Variants in MMP3 observed in about 807,000 individuals in gnomAD.
The protein encoded by MMP3 is stromelysin-1.
Under a neutral mutation model 47.3 loss-of-function variants are expected in MMP3, and 46 were observed. The observed-to-expected ratio is 0.97, with a 90% CI of 0.77 to 1.24. The LOEUF is 1.24. Ranked by LOEUF, MMP3 falls within the 50% of genes most tolerant of loss-of-function variation. The probability of loss-of-function intolerance (pLI) is 0.00; values close to 1 mark genes in which losing one functional copy is unlikely to be tolerated. For missense variants in MMP3, 558 were observed against 565.5 expected (o/e 0.99, Z 0.13); for synonymous variants, 216 against 206.5 (o/e 1.05, Z -0.39).
In MMP3 at chr11:102,840,144, C is replaced by G. The variant is rs782380049; in HGVS notation, c.899G>C (p.Ser300Thr). The change falls in exon 6 of 10, where the codon AGC (serine) becomes ACC (threonine). Residue 300 changes from serine (S) to threonine (T), a missense_variant. Ser to Thr is a moderately conservative substitution (Grantham distance 58, BLOSUM62 1). Transcript: ENST00000299855. ...GATCAGGATTTCTCCCCTCAGAGTGCTGACAGCATCAAAGGACAAAGCAGG... is the reference window on the plus strand; with the variant it reads ...GATCAGGATTTCTCCCCTCAGAGTGGTGACAGCATCAAAGGACAAAGCAGG... The part of the protein sequence containing the change: ...CDPALSFDAV[S>T]TLRGEILIFK... 6.2e-7 allele frequency: 1 copy of G among 1,614,056 alleles called. No homozygotes were observed. Among genetic ancestry groups the G allele is most frequent in the South Asian group, 1.1e-5 (1 of 91,072 alleles).
In MMP3 at chr11:102,836,984, T is replaced by C. The variant is rs927059074; in HGVS notation, c.1333+314A>G. ...GCCACACCACTTGATGGGATTTTTATGCTAACATGGTAATCTGAAAGTCGA... is the reference window on the plus strand; with the variant it reads ...GCCACACCACTTGATGGGATTTTTACGCTAACATGGTAATCTGAAAGTCGA... On this transcript the variant is annotated intron_variant, in intron 9 of 9. Coordinates refer to ENST00000299855, the MANE Select transcript of MMP3 (RefSeq NM_002422.5). The surrounding 1 kb of genome is among the most constrained non-coding windows in gnomAD (Gnocchi z 4.6). Among the ~76,000 whole-genome samples the C allele has an allele frequency of 6.6e-6, 1 of 152,190 alleles. No individual in the cohort carries two copies. Among genetic ancestry groups the C allele is most frequent in the Admixed American group, 6.5e-5 (1 of 15,276 alleles).
rs41357345 is a variant in MMP3 at position 102,840,477 on chromosome 11, G to T, written c.742C>A (p.Arg248=). 2 of 1,614,086 alleles carry T rather than the reference G, an allele frequency of 1.2e-6. No homozygotes were observed. Among genetic ancestry groups the T allele is most frequent in the Non-Finnish European group, 1.7e-6 (2 of 1,180,000 alleles). ...PLYHSLTDLT[R]FRLSQDDING... is the part of the protein sequence containing the mutation. Reference sequence around the variant, plus strand: ...ATATCATCTTGAGACAGGCGGAACCGAGTCAGGTCTGTGAGTGAGTGATAG... The same window carrying T: ...ATATCATCTTGAGACAGGCGGAACCTAGTCAGGTCTGTGAGTGAGTGATAG... Residue 248 remains arginine (R), a synonymous_variant, in exon 5 of 10, where the codon CGG becomes AGG. Coordinates refer to ENST00000299855, the MANE Select transcript of MMP3 (RefSeq NM_002422.5).
chr11:102,836,507 C>T lies in MMP3; in HGVS notation c.1334-281G>A. ...GTTACTCAGCAAGGAAGAATGGAGA[C>T]AGCACTCGGTGCCAGCTCTGTCTGA... is the stretch of plus-strand genomic sequence containing the variant. On this transcript the variant is annotated intron_variant, in intron 9 of 9. Transcript: ENST00000299855. This position sits in a 1 kb window ranked among gnomAD's most constrained non-coding sequence, Gnocchi z 4.6. 1.9e-6 allele frequency: 1 copy of T among 535,550 alleles called. No homozygotes were observed. 33.2% of individuals were successfully genotyped at this position (535,550 alleles called of 1,614,324 possible). A position where few individuals can be genotyped will look rare whatever the true frequency, so the allele number is the denominator to read the frequency against.
In MMP3 at chr11:102,842,543, A is replaced by G; in HGVS notation, c.387T>C (p.Ala129=). The G allele has an allele frequency of 6.2e-7, 1 of 1,613,152 alleles. No individual in the cohort carries two copies. Among genetic ancestry groups the G allele is most frequent in the South Asian group, 1.1e-5 (1 of 91,044 alleles). ...VNYTPDLPKD[A]VDSAVEKALK... ...GAGCTTTCTCAACAGCAGAATCAACAGCATCTTTTGGCAAATCTGGTGTAT... is the reference window on the plus strand; with the variant it reads ...GAGCTTTCTCAACAGCAGAATCAACGGCATCTTTTGGCAAATCTGGTGTAT... Residue 129 remains alanine, a synonymous_variant, in exon 3 of 10, where the codon GCT becomes GCC. Transcript: ENST00000299855.
chr11:102,837,317 A>C lies in MMP3; in HGVS notation c.1314T>G (p.Asp438Glu), dbSNP rs1274239489. 2 of 1,613,822 alleles carry C rather than the reference A, an allele frequency of 1.2e-6. No homozygotes were observed. The highest frequency in any genetic ancestry group is 4.5e-5 in the East Asian group (2 of 44,858). ...TCTTACCAAATTCTTCAAAAACAGC[A>C]TCAATCTTTGAGTCAATCCCTGGAA... The part of the protein sequence containing the change: ...EDFPGIDSKI[D>E]AVFEEFGFFY... The change falls in exon 9 of 10, where the codon GAT (aspartate) becomes GAG (glutamate). Residue 438 changes from aspartate (D) to glutamate (E), a missense_variant. Physicochemically the swap from Asp to Glu is conservative, Grantham distance 45 (BLOSUM62 2). Transcript: ENST00000299855. This position sits in a 1 kb window ranked among gnomAD's most constrained non-coding sequence, Gnocchi z 4.4.
intron 4 of MMP3, 45 bp downstream of exon 4, chr11:102,842,109 T>TA (rs782020111): frequency 1.3e-6 from 2 of 1,481,960 alleles, no homozygotes; most frequent in East Asian, 2.3e-5. Flanking sequence ...TTTCTACATA[T>TA]AAAAAAATTA....
At position 102,836,482 on chromosome 11, in the gene MMP3, G is replaced by T. The variant is rs1037168216; in HGVS notation, c.1334-256C>A. On this transcript the variant is annotated intron_variant, in intron 9 of 9. Transcript: ENST00000299855. The surrounding 1 kb of genome is among the most constrained non-coding windows in gnomAD (Gnocchi z 4.6). ...AGACAGATTTCGATGCTTCCTCAAG[G>T]TTACTCAGCAAGGAAGAATGGAGAC... The T allele has an allele frequency of 1.8e-6, 1 of 562,400 alleles. No individual in the cohort carries two copies. Among genetic ancestry groups the T allele is most frequent in the Non-Finnish European group, 3.5e-6 (1 of 286,582 alleles). The allele number at this position is 562,400 out of a possible 1,614,324, so 34.8% of individuals were successfully genotyped here. A position where few individuals can be genotyped will look rare whatever the true frequency, so the allele number is the denominator to read the frequency against.
rs1858869931 is a variant in MMP3, at chr11:102,835,854, C to G, written c.*272G>C. On this transcript the variant is annotated 3_prime_UTR_variant, in exon 10 of 10. Coordinates refer to ENST00000299855, the MANE Select transcript of MMP3 (RefSeq NM_002422.5). ...AATAAGCAAATAGTCTACACAGATACAGTCACTTGTCTGTTGCACACGAGT... is the reference window on the plus strand; with the variant it reads ...AATAAGCAAATAGTCTACACAGATAGAGTCACTTGTCTGTTGCACACGAGT... The G allele has an allele frequency of 5.3e-6, 2 of 380,132 alleles. No individual in the cohort carries two copies. The highest frequency in any genetic ancestry group is 9.5e-6 in the Non-Finnish European group (2 of 209,808). 23.5% of individuals were successfully genotyped at this position (380,132 alleles called of 1,614,324 possible).
chr11:102,843,038 A>C, intron 1 of MMP3, 122 bp from the exon 2 acceptor site: 1 of 844,752 alleles, frequency 1.2e-6, no homozygotes, highest in Non-Finnish European at 1.8e-6. Flanking sequence ...TAGCTTGCTG[A>C]AATAATGGCA....
In MMP3 at chr11:102,836,218, A is replaced by G. The variant is rs782074937; in HGVS notation, c.1342T>C (p.Tyr448His). The G allele has an allele frequency of 1.9e-6, 3 of 1,612,436 alleles. No homozygotes were observed. Among genetic ancestry groups the G allele is most frequent in the Admixed American group, 1.7e-5 (1 of 59,940 alleles). Residue 448 changes from tyrosine to histidine, a missense_variant, in exon 10 of 10, where the codon TAT becomes CAT. Transcript: ENST00000299855. The surrounding 1 kb of genome is among the most constrained non-coding windows in gnomAD (Gnocchi z 4.6). ...DAVFEEFGFF[Y>H]FFTGSSQLEF... ...AACTGTGAAGATCCAGTAAAGAAAT[A>G]AAAGAACCCTGCAAATACAGACAAG... is the stretch of plus-strand genomic sequence containing the variant.
chr11:102,839,227 A>T lies in MMP3; in HGVS notation c.952T>A (p.Ser318Thr). ...IFKDRHFWRK[S>T]LRKLEPELHL... The stretch of plus-strand genomic sequence containing the variant: ...AATTCAGGTTCAAGCTTCCTGAGGG[A>T]TTTGCGCCAAAAGTGCCTAAAATAT... The change falls in exon 7 of 10, where the codon TCC becomes ACC. Residue 318 changes from serine to threonine, a missense_variant. Coordinates refer to ENST00000299855, the MANE Select transcript of MMP3 (RefSeq NM_002422.5). The T allele has an allele frequency of 6.2e-7, 1 of 1,613,910 alleles. No individual in the cohort carries two copies. Among genetic ancestry groups the T allele is most frequent in the Non-Finnish European group, 8.5e-7 (1 of 1,179,942 alleles).
chr11:102,842,993 GT>G, intron 1 of MMP3, 77 bp from the exon 2 acceptor site: 2 of 1,264,536 alleles, frequency 1.6e-6, no homozygotes, highest in Non-Finnish European at 2.1e-6. Flanking sequence ...AGTTTTTGCA[GT>G]TGCTCACTTC....
At chr11:102,842,621 A>G (rs1555005730) in intron 2 of MMP3, 42 bp from the exon 3 acceptor site, 1 of 1,613,036 alleles carries the variant, frequency 6.2e-7, no homozygotes, top group Non-Finnish European at 8.5e-7. Flanking sequence ...TTCTCCTATG[A>G]TATAGTTTAT....
At position 102,843,488 on chromosome 11, in the gene MMP3, A is replaced by G; in HGVS notation, c.59T>C (p.Leu20Ser). ...GTCCTCACCCCTTGCAGCTCCATCC[A>G]ATGGATAGGCTGAGCAAACTGCCAC... is the stretch of plus-strand genomic sequence containing the variant. Reference protein sequence around the residue: ...LCVAVCSAYPLDGAARGEDTS... With the variant: ...LCVAVCSAYPSDGAARGEDTS... Residue 20 changes from leucine to serine, a missense_variant, in exon 1 of 10, where the codon TTG becomes TCG. Physicochemically the swap from Leu to Ser is moderately radical, Grantham distance 145. Coordinates refer to ENST00000299855, the MANE Select transcript of MMP3 (RefSeq NM_002422.5). The G allele has an allele frequency of 1.2e-6, 2 of 1,613,764 alleles. No individual in the cohort carries two copies. The highest frequency in any genetic ancestry group is 1.7e-6 in the Non-Finnish European group (2 of 1,179,816).
In MMP3 at chr11:102,836,468, G is replaced by A. The variant is rs1555004565; in HGVS notation, c.1334-242C>T. The A allele has an allele frequency of 5.1e-6, 3 of 584,814 alleles. No homozygotes were observed. Among genetic ancestry groups the A allele is most frequent in the African/African-American group, 1.8e-5 (1 of 54,220 alleles). 36.2% of individuals were successfully genotyped at this position (584,814 alleles called of 1,614,324 possible). ...GCAAGTTGAGGTTGAGACAGATTTC[G>A]ATGCTTCCTCAAGGTTACTCAGCAA... is the stretch of plus-strand genomic sequence containing the variant. On this transcript the variant is annotated intron_variant, in intron 9 of 9. Coordinates refer to ENST00000299855, the MANE Select transcript of MMP3 (RefSeq NM_002422.5). The surrounding 1 kb of genome is among the most constrained non-coding windows in gnomAD (Gnocchi z 4.6).
Position 102,842,811 on chromosome 11 carries a change from G to C in MMP3, c.211C>G (p.Leu71Val), listed in dbSNP as rs1859032947. 1.9e-6 allele frequency: 3 copies of C among 1,613,714 alleles called. No homozygotes were observed. In the South Asian group the frequency reaches 3.3e-5, roughly 18 times the overall value. ...AGCTTCCCCGTCACCTCCAATCCAA[G>C]GAACTTCTGCATTTCTCGGATTTTT... is the stretch of plus-strand genomic sequence containing the variant. The part of the protein sequence containing the change: ...VKKIREMQKF[L>V]GLEVTGKLDS... Residue 71 changes from leucine (L) to valine (V), a missense_variant, in exon 2 of 10, where the codon CTT becomes GTT. By Grantham distance (32) the Leu-to-Val change is conservative. Transcript: ENST00000299855.
At position 102,839,044 on chromosome 11, in the gene MMP3, T is replaced by G. The variant is rs1858940568; in HGVS notation, c.1069+66A>C. The G allele has an allele frequency of 1.5e-5, 23 of 1,542,392 alleles. No homozygotes were observed. The South Asian group carries it at 2.4e-4, about 16-fold the overall frequency. On this transcript the variant is annotated intron_variant, in intron 7 of 9. Coordinates refer to ENST00000299855, the MANE Select transcript of MMP3 (RefSeq NM_002422.5). ...GAACTTGTAGTAGGGAAAATTAAAG[T>G]GTTGTTCAATTTCTTATGAGAGGGT...
At chr11:102,842,642 T>C in intron 2 of MMP3, 30 bp downstream of exon 2, 1 of 1,613,208 alleles carries the variant, frequency 6.2e-7, no homozygotes, top group African/African-American at 1.3e-5. Context: ...AAAATTCCAA[T>C]CTTATGTGAA....
intron 4 of MMP3, among the ~76,000 whole-genome samples, chr11:102,841,318 C>G (rs1555005384): frequency 6.6e-6 from 1 of 152,108 alleles, no homozygotes; most frequent in East Asian, 1.9e-4. Context: ...GCTAGTATTA[C>G]TTGTGTAACT....
Sources: gnomAD v4.1 joint callset for allele counts (sites outside exome capture counted in the v4.1 genomes callset) on GRCh38, gnomAD v4.1.1 for gene constraint, Gnocchi (gnomAD v3.1) non-coding constraint, MANE v1.5 for transcripts, NCBI Gene and HGNC (gene_info 2026-07-23, HGNC 2026-07-21) for gene names.